PALM2AKAP2: variants seen among roughly 807,000 people sequenced by gnomAD.
PALM2AKAP2 encodes the protein PALM2-AKAP2 fusion protein.
In PALM2AKAP2, 37 loss-of-function variants were observed where a neutral mutation model predicts 71.5. That is an observed-to-expected ratio of 0.52 (90% confidence interval 0.40 to 0.68). The LOEUF (loss-of-function observed/expected upper bound fraction) is 0.68. Ranked by LOEUF, PALM2AKAP2 falls within the 30% of genes least tolerant of loss-of-function variation. The pLI is 0.00. For synonymous variants in PALM2AKAP2, 468 were observed against 478.8 expected, an observed-to-expected ratio of 0.98 and a Z score of 0.29; for missense variants, 1,224 against 1,191.8, an observed-to-expected ratio of 1.03 and a Z score of -0.40.
chr9:110,020,273 A>G (rs182499212), intron 7 of PALM2AKAP2, among the ~76,000 whole-genome samples: 2 of 152,184 alleles, frequency 1.3e-5, no homozygotes, highest in South Asian at 2.1e-4. Flanking sequence ...AAGGAATACA[A>G]TGTTTTGAAG....
intron 2 of PALM2AKAP2, among the ~76,000 whole-genome samples, chr9:110,155,802 G>C (rs1190144855): frequency 6.6e-6 from 1 of 152,180 alleles, no homozygotes; most frequent in Non-Finnish European, 1.5e-5. Context: ...AAAAAGCCTG[G>C]GCAGGTCAGC....
intron 1 of PALM2AKAP2, among the ~76,000 whole-genome samples, chr9:109,861,229 TCCAC>T (rs1829299748): frequency 6.6e-6 from 1 of 152,200 alleles, no homozygotes; most frequent in Admixed American, 6.5e-5. Flanking sequence ...ACCCACCTTG[TCCAC>T]AGCCACAGCC....
exon 2 of PALM2AKAP2, chr9:110,137,657 G>A (rs777285263): frequency 1.9e-6 from 3 of 1,613,828 alleles, no homozygotes; most frequent in African/African-American, 2.7e-5. Flanking sequence ...GCTTGACTCT[G>A]GTCTGGACGA....
intron 3 of PALM2AKAP2, among the ~76,000 whole-genome samples, chr9:109,915,865 A>G (rs150831063): frequency 2.3e-4 from 35 of 152,292 alleles, no homozygotes; most frequent in African/African-American, 8.2e-4. Flanking sequence ...AAACAGTAAA[A>G]CAATTAAAAA....
rs557880482 is a variant in PALM2AKAP2, at chr9:110,001,428, A to G, written c.497-14526A>G. On this transcript the variant is annotated intron_variant, in intron 6 of 9. Transcript: ENST00000302798. Reference sequence around the variant, plus strand: ...TTTGGTTACTGTAACCTTGTAGTATAGTTTGAAGTCAGGTAGCGTGACGCC... The same window carrying G: ...TTTGGTTACTGTAACCTTGTAGTATGGTTTGAAGTCAGGTAGCGTGACGCC... Among the ~76,000 whole-genome samples, 464 of 152,292 alleles carry G rather than the reference A, an allele frequency of 3.0e-3. 5 individuals carry two copies. Among genetic ancestry groups the G allele is most frequent in the Admixed American group, 6.1e-3 (93 of 15,304 alleles).
At chr9:110,056,668 A>G (rs1278176730) in intron 1 of PALM2AKAP2, among the ~76,000 whole-genome samples, 1 of 152,098 alleles carries the variant, frequency 6.6e-6, no homozygotes, top group East Asian at 1.9e-4. Context: ...ATTTTGGGGG[A>G]AAAAATGAAC....
intron 1 of PALM2AKAP2, among the ~76,000 whole-genome samples, chr9:109,718,146 T>C (rs140601616): frequency 0.04 from 6,075 of 152,198 alleles, 180 homozygotes; most frequent in Non-Finnish European, 0.053. Context: ...AGTGGCACGA[T>C]CTTGGCTCAC....
At chr9:110,044,125 G>T (rs559829244), upstream of PALM2AKAP2, among the ~76,000 whole-genome samples, 61 of 152,058 alleles carry the variant, frequency 4.0e-4, no homozygotes, top group African/African-American at 1.4e-3. Context: ...CATATATGTT[G>T]CAAATATTTC....
chr9:109,751,576 T>G (rs534782917), intron 1 of PALM2AKAP2, among the ~76,000 whole-genome samples: 180 of 152,330 alleles, frequency 1.2e-3, no homozygotes, highest in Non-Finnish European at 2.4e-3. Flanking sequence ...TGAGACCTCA[T>G]GCGCTTGGGC....
chr9:110,080,104 T>C (rs1834416528), intron 1 of PALM2AKAP2, among the ~76,000 whole-genome samples: 1 of 147,868 alleles, frequency 6.8e-6, no homozygotes, highest in African/African-American at 2.5e-5. Flanking sequence ...AATAGAAGAT[T>C]AAGGATCCCT....
At chr9:109,694,381 C>T (rs559014541) in intron 1 of PALM2AKAP2, among the ~76,000 whole-genome samples, 2 of 152,102 alleles carry the variant, frequency 1.3e-5, no homozygotes, top group African/African-American at 4.8e-5. Context: ...TACTAACCCA[C>T]TTCATTTGTC....
intron 1 of PALM2AKAP2, among the ~76,000 whole-genome samples, chr9:109,733,064 G>A (rs1466871745): frequency 6.6e-6 from 1 of 152,134 alleles, no homozygotes; most frequent in Non-Finnish European, 1.5e-5. Context: ...TTCTATAGGG[G>A]CTGGGAAGCC....
At chr9:110,142,606 A>G (rs1221288162) in intron 2 of PALM2AKAP2, among the ~76,000 whole-genome samples, 1 of 152,182 alleles carries the variant, frequency 6.6e-6, no homozygotes, top group Non-Finnish European at 1.5e-5. Flanking sequence ...TTTGGAGGAT[A>G]AAGAAAGTCT....
chr9:109,720,721 T>C lies in PALM2AKAP2; in HGVS notation c.6-59767T>C, dbSNP rs1267170262. Among the ~76,000 whole-genome samples the C allele has an allele frequency of 7.2e-5, 11 of 152,338 alleles. No individual in the cohort carries two copies. In the South Asian group the frequency reaches 1.5e-3, roughly 20 times the overall value. ...CATAAGACCAATGGATATCCACATA[T>C]AGATTTGATTTGTGTTGTGTAAGGA... On this transcript the variant is annotated intron_variant, in intron 1 of 6. Transcript: ENST00000374531.
At chr9:110,159,055 A>AT (rs1400692292) in intron 3 of PALM2AKAP2, among the ~76,000 whole-genome samples, 5 of 152,074 alleles carry the variant, frequency 3.3e-5, no homozygotes, top group African/African-American at 4.8e-5. Flanking sequence ...ACAAACATTC[A>AT]TTTTTTTCCT....
chr9:110,135,164 A>AAAAAAATATATATATATATAT, intron 1 of PALM2AKAP2, among the ~76,000 whole-genome samples: 1 of 51,740 alleles, frequency 1.9e-5, no homozygotes. Flanking sequence ...AAAAAAAAAA[A>AAAAAAATATATATATATATAT]ATATATAAAT....
At chr9:109,677,081 T>C (rs1412298063) in intron 1 of PALM2AKAP2, among the ~76,000 whole-genome samples, 1 of 152,154 alleles carries the variant, frequency 6.6e-6, no homozygotes, top group Non-Finnish European at 1.5e-5. Context: ...GGGCAGTAGC[T>C]AGAAGGTTAT....
chr9:109,970,944 CA>C (rs1359688732), intron 6 of PALM2AKAP2, among the ~76,000 whole-genome samples: 2 of 151,536 alleles, frequency 1.3e-5, no homozygotes, highest in Non-Finnish European at 2.9e-5. Flanking sequence ...CCTGTGTCTA[CA>C]AAAAAAATTT....
chr9:109,953,189 A>G (rs567304319), intron 6 of PALM2AKAP2, among the ~76,000 whole-genome samples: 26 of 152,282 alleles, frequency 1.7e-4, no homozygotes, highest in African/African-American at 5.1e-4. Flanking sequence ...GATTCTGGGG[A>G]TTATATCTCA....
Sources: allele counts gnomAD v4.1 joint callset (sites outside exome capture counted in the v4.1 genomes callset), GRCh38; gene constraint gnomAD v4.1.1; transcripts MANE v1.5; gene names NCBI Gene and HGNC (gene_info 2026-07-23, HGNC 2026-07-21).